The following CPNE5 variants were observed in gnomAD, a reference collection of about 807,000 sequenced individuals.
The protein encoded by CPNE5 is copine 5.
A neutral mutation model predicts 81.1 loss-of-function variants in CPNE5; 42 were observed. That is an observed-to-expected ratio of 0.52 (90% CI 0.40 to 0.67). CPNE5 has a LOEUF of 0.67. Ranked by LOEUF, CPNE5 falls within the 30% of genes least tolerant of loss-of-function variation. CPNE5 has a pLI of 0.00. For synonymous variants in CPNE5, 313 were observed against 321.5 expected, an observed-to-expected ratio of 0.97 and a Z score of 0.28; for missense variants, 612 against 815.5, an observed-to-expected ratio of 0.75 and a Z score of 3.04.
At chr6:36,762,823 C>T (rs1261030351) in intron 12 of CPNE5, 94 bp downstream of exon 12, 1 of 1,001,734 alleles carries the variant, frequency 1.0e-6, no homozygotes, top group Non-Finnish European at 1.6e-6. Context: ...CAGGAAAACA[C>T]ACCAAGCCCC....
intron 14 of CPNE5, among the ~76,000 whole-genome samples, chr6:36,752,203 G>C (rs940402129): frequency 6.6e-6 from 1 of 152,190 alleles, no homozygotes; most frequent in African/African-American, 2.4e-5. Context: ...GCTCCTGCCT[G>C]TCTCCTTTCC....
In CPNE5 at chr6:36,741,983, T is replaced by A; in HGVS notation, c.*285A>T. ...ACAGGGACCCCAATCACCCTTATTG[T>A]TTACACCTTCCTGGCTGGGTTAGAG... On this transcript the variant is annotated 3_prime_UTR_variant, in exon 21 of 21. Transcript: ENST00000244751. 4.6e-6 allele frequency: 2 copies of A among 438,016 alleles called. No homozygotes were observed. The highest frequency in any genetic ancestry group is 8.2e-6 in the Non-Finnish European group (2 of 245,316). The allele number at this position is 438,016 out of a possible 1,614,324, so 27.1% of individuals were successfully genotyped here. A position where few individuals can be genotyped will look rare whatever the true frequency, so the allele number is the denominator to read the frequency against.
chr6:36,827,209 G>T, intron 1 of CPNE5: 1 of 455,056 alleles, frequency 2.2e-6, no homozygotes, highest in Non-Finnish European at 2.9e-6. Context: ...TCTGCCTCTC[G>T]CCTATGTCCC....
intron 10 of CPNE5, among the ~76,000 whole-genome samples, chr6:36,773,257 G>C (rs1416116903): frequency 1.3e-5 from 2 of 152,098 alleles, no homozygotes; most frequent in Non-Finnish European, 2.9e-5. Context: ...AGAGAGCCCT[G>C]CCCATGAGCC....
At chr6:36,804,748 A>G (rs185334774) in intron 3 of CPNE5, among the ~76,000 whole-genome samples, 2 of 151,952 alleles carry the variant, frequency 1.3e-5, no homozygotes, top group South Asian at 2.1e-4. Context: ...TGCAGCTTCA[A>G]TAGAGGGGAA....
chr6:36,774,126 G>A (rs1767289707), intron 10 of CPNE5, among the ~76,000 whole-genome samples: 1 of 151,066 alleles, frequency 6.6e-6, no homozygotes, highest in South Asian at 2.1e-4. Flanking sequence ...GTTCACACCT[G>A]TAATCCCAGC....
chr6:36,743,622 G>T, intron 20 of CPNE5, 67 bp downstream of exon 20: 6 of 1,478,896 alleles, frequency 4.1e-6, no homozygotes, highest in Non-Finnish European at 4.7e-6. Context: ...CCCAAAGGGG[G>T]TGTGAGGTCC....
chr6:36,771,167 C>T (rs1374693856), intron 10 of CPNE5, among the ~76,000 whole-genome samples: 1 of 152,210 alleles, frequency 6.6e-6, no homozygotes, highest in Non-Finnish European at 1.5e-5. Context: ...GCTTCCCTAC[C>T]TCTAATCAGA....
At position 36,741,456 on chromosome 6, in the gene CPNE5, T is replaced by G. The variant is rs1763582600; in HGVS notation, c.*812A>C. ...TGGGAACGTGGGGCTGAGCCACTCC[T>G]TACTCAGGCCTCCAGATGGGCAGAG... On this transcript the variant is annotated 3_prime_UTR_variant, in exon 21 of 21. Coordinates refer to ENST00000244751, the MANE Select transcript of CPNE5 (RefSeq NM_020939.2). The G allele has an allele frequency of 1.3e-5, 2 of 152,244 alleles. No individual in the cohort carries two copies. The highest frequency in any genetic ancestry group is 2.9e-5 in the Non-Finnish European group (2 of 68,098). 9.4% of individuals were successfully genotyped at this position (152,244 alleles called of 1,614,324 possible).
chr6:36,814,144 G>A (rs1422165623), intron 3 of CPNE5, among the ~76,000 whole-genome samples: 1 of 152,146 alleles, frequency 6.6e-6, no homozygotes, highest in East Asian at 1.9e-4. Flanking sequence ...GACCAGATGG[G>A]AAAATATAGC....
chr6:36,838,011 C>T (rs1028573963), intron 1 of CPNE5, among the ~76,000 whole-genome samples: 3 of 152,084 alleles, frequency 2.0e-5, no homozygotes, highest in Non-Finnish European at 4.4e-5. Context: ...TGGGAGCTAT[C>T]ACAGGAGCCC....
chr6:36,773,844 A>G (rs887844588), intron 10 of CPNE5, among the ~76,000 whole-genome samples: 4 of 152,172 alleles, frequency 2.6e-5, no homozygotes, highest in African/African-American at 9.7e-5. Context: ...TAATAAGAGT[A>G]GGCATATGTT....
rs562841882 is a variant in CPNE5 at position 36,798,142 on chromosome 6, G to GGGA, written c.404+20_404+22dup. 154 of 1,606,324 alleles carry GGGA rather than the reference G, an allele frequency of 9.6e-5. No homozygotes were observed. The African/African-American group carries it at 1.8e-3, about 19-fold the overall frequency. On this transcript the variant is annotated intron_variant, in intron 6 of 20. Coordinates refer to ENST00000244751, the MANE Select transcript of CPNE5 (RefSeq NM_020939.2). Reference sequence around the variant, plus strand: ...ATGGGCGGGAAGTTGGCCTACCACTGGGAAAGCAACCCAGACACTCACGTG... The same window carrying GGGA: ...ATGGGCGGGAAGTTGGCCTACCACTGGGAGGAAAGCAACCCAGACACTCACGTG...
intron 1 of CPNE5, among the ~76,000 whole-genome samples, chr6:36,826,176 C>T (rs1469841188): frequency 6.6e-6 from 1 of 151,958 alleles, no homozygotes; most frequent in Non-Finnish European, 1.5e-5. Flanking sequence ...GTGTTATGGG[C>T]GGTGGGAGGG....
At chr6:36,760,107 T>C (rs1765875735) in intron 12 of CPNE5, among the ~76,000 whole-genome samples, 1 of 148,930 alleles carries the variant, frequency 6.7e-6, no homozygotes, top group Non-Finnish European at 1.5e-5. Context: ...CCCAGCTACT[T>C]GGGAGACTGA....
chr6:36,743,560 G>A, intron 20 of CPNE5, 129 bp downstream of exon 20: 1 of 894,614 alleles, frequency 1.1e-6, no homozygotes, highest in Non-Finnish European at 1.8e-6. Flanking sequence ...TGGTGGCTGG[G>A]CCACTTTGGG....
At chr6:36,773,458 C>T (rs1443590515) in intron 10 of CPNE5, among the ~76,000 whole-genome samples, 1 of 152,242 alleles carries the variant, frequency 6.6e-6, no homozygotes, top group East Asian at 1.9e-4. Context: ...TCTGCCTCCC[C>T]TACTGGCATG....
At chr6:36,812,303 C>G (rs1210346107) in intron 3 of CPNE5, among the ~76,000 whole-genome samples, 2 of 152,116 alleles carry the variant, frequency 1.3e-5, no homozygotes, top group Non-Finnish European at 2.9e-5. Flanking sequence ...TAATGGGGTG[C>G]TGCTGATGTG....
chr6:36,811,716 A>T (rs1182303406), intron 3 of CPNE5, among the ~76,000 whole-genome samples: 1 of 152,158 alleles, frequency 6.6e-6, no homozygotes, highest in Non-Finnish European at 1.5e-5. Flanking sequence ...AGAAATAATG[A>T]ACACCTCTGC....
Sources: allele counts gnomAD v4.1 joint callset (sites outside exome capture counted in the v4.1 genomes callset), GRCh38; gene constraint gnomAD v4.1.1; transcripts MANE v1.5; gene names NCBI Gene and HGNC (gene_info 2026-07-23, HGNC 2026-07-21).